The following ZPBP variants were observed in gnomAD, a reference collection of about 807,000 sequenced individuals.
The protein encoded by ZPBP is zona pellucida-binding protein 1.
In ZPBP, 26 loss-of-function variants were observed where a neutral mutation model predicts 44.8. That is an observed-to-expected ratio of 0.58 (90% CI 0.43 to 0.81). ZPBP has a LOEUF of 0.81. ZPBP is among the 30% of genes least tolerant of loss of function. The pLI, the probability that ZPBP is intolerant of heterozygous loss-of-function variation, is 0.00. For synonymous variants in ZPBP, 174 were observed against 153.2 expected (o/e 1.14, Z -1.00); for missense variants, 409 against 434.0 (o/e 0.94, Z 0.51).
chr7:50,056,573 G>A (rs1800943418), intron 4 of ZPBP: 2 of 152,136 alleles, frequency 1.3e-5, no homozygotes, highest in Non-Finnish European at 2.9e-5. Flanking sequence ...ACATGTTTAG[G>A]AGCCATTATT....
At chr7:50,045,914 A>G (rs1169561968) in intron 4 of ZPBP, among the ~76,000 whole-genome samples, 1 of 152,238 alleles carries the variant, frequency 6.6e-6, no homozygotes, top group African/African-American at 2.4e-5. Flanking sequence ...AGGCTACAGT[A>G]ACCAAAACAG....
chr7:49,925,343 T>C (rs1418765374), intron 1 of ZPBP, among the ~76,000 whole-genome samples: 7 of 152,170 alleles, frequency 4.6e-5, no homozygotes, highest in African/African-American at 7.2e-5. Flanking sequence ...GAGTGGATGA[T>C]TGGTGTCCCT....
chr7:49,841,057 T>C, the ZPBP span, among the ~76,000 whole-genome samples: 1 of 152,214 alleles, frequency 6.6e-6, no homozygotes, highest in African/African-American at 2.4e-5. Flanking sequence ...TTGGTCTTAT[T>C]TGGATTCCAG....
intron 6 of ZPBP, among the ~76,000 whole-genome samples, chr7:50,001,951 C>G (rs1460738228): frequency 6.6e-6 from 1 of 152,108 alleles, no homozygotes; most frequent in Non-Finnish European, 1.5e-5. Context: ...GTCACTCAGG[C>G]TGCAATGCAG....
At chr7:49,876,262 GT>G (rs148278221) in intron 2 of ZPBP, among the ~76,000 whole-genome samples, 67 of 152,228 alleles carry the variant, frequency 4.4e-4, no homozygotes, top group African/African-American at 1.6e-3. Context: ...GAAAATATAG[GT>G]AAATTTTCAT....
At chr7:49,952,255 C>T (rs768858856) in intron 7 of ZPBP, among the ~76,000 whole-genome samples, 6 of 151,832 alleles carry the variant, frequency 4.0e-5, no homozygotes, top group South Asian at 2.1e-4. Context: ...AAGAGAGCTT[C>T]GTTTGATCTG....
At chr7:50,048,774 A>C (rs1199667675) in intron 4 of ZPBP, among the ~76,000 whole-genome samples, 1 of 151,956 alleles carries the variant, frequency 6.6e-6, no homozygotes, top group East Asian at 1.9e-4. Flanking sequence ...CGGACAATGA[A>C]AAAGAAAGAG....
intron 7 of ZPBP, among the ~76,000 whole-genome samples, chr7:49,957,434 C>T (rs1385644604): frequency 6.6e-6 from 1 of 152,158 alleles, no homozygotes; most frequent in Non-Finnish European, 1.5e-5. Context: ...CTCAGGACAT[C>T]GAGGCTTGCT....
intron 2 of ZPBP, among the ~76,000 whole-genome samples, chr7:49,888,974 G>A (rs941940552): frequency 6.6e-6 from 1 of 152,126 alleles, no homozygotes; most frequent in Non-Finnish European, 1.5e-5. Context: ...ACATATGGAG[G>A]ATGGAGCTGG....
intron 6 of ZPBP, among the ~76,000 whole-genome samples, chr7:50,009,418 A>T (rs952461805): frequency 2.6e-5 from 4 of 151,750 alleles, no homozygotes; most frequent in Non-Finnish European, 4.4e-5. Flanking sequence ...CATTTGCCCA[A>T]TGGTTCTCTA....
chr7:49,986,726 A>G (rs1294362963), intron 6 of ZPBP, among the ~76,000 whole-genome samples: 2 of 152,114 alleles, frequency 1.3e-5, no homozygotes, highest in Non-Finnish European at 2.9e-5. Context: ...CCAGGACCCC[A>G]ACTATCACTG....
At chr7:50,003,168 T>C (rs1424190668) in intron 6 of ZPBP, among the ~76,000 whole-genome samples, 2 of 152,186 alleles carry the variant, frequency 1.3e-5, no homozygotes, top group East Asian at 3.8e-4. Flanking sequence ...TGGATTCTAA[T>C]TTGATTTGAA....
At chr7:49,882,148 A>G (rs1269585753) in intron 2 of ZPBP, among the ~76,000 whole-genome samples, 1 of 152,164 alleles carries the variant, frequency 6.6e-6, no homozygotes, top group Non-Finnish European at 1.5e-5. Context: ...AAAACTGGTG[A>G]TATAATCAAT....
chr7:49,866,260 A>G (rs1790886943), intron 2 of ZPBP, among the ~76,000 whole-genome samples: 1 of 152,122 alleles, frequency 6.6e-6, no homozygotes, highest in South Asian at 2.1e-4. Flanking sequence ...TTTTTTCAAG[A>G]TCCTCTAGCT....
intron 7 of ZPBP, among the ~76,000 whole-genome samples, chr7:49,961,408 T>C (rs1298738181): frequency 2.0e-5 from 3 of 152,120 alleles, no homozygotes; most frequent in East Asian, 3.8e-4. Flanking sequence ...CAAAAACATA[T>C]GCAAATCTAT....
chr7:49,959,176 C>A (rs1320578500), intron 7 of ZPBP, among the ~76,000 whole-genome samples: 4 of 150,720 alleles, frequency 2.7e-5, no homozygotes, highest in African/African-American at 9.8e-5. Flanking sequence ...TGCTTTTCCT[C>A]TAATATTGGG....
At chr7:50,083,393 T>C (rs1294513095) in intron 2 of ZPBP, among the ~76,000 whole-genome samples, 1 of 151,994 alleles carries the variant, frequency 6.6e-6, no homozygotes, top group African/African-American at 2.4e-5. Flanking sequence ...AATGCCATAA[T>C]CATGACTGCA....
intron 2 of ZPBP, among the ~76,000 whole-genome samples, chr7:49,875,369 CAAAAAAAAAAAAAA>C (rs71018432): frequency 1.1e-4 from 2 of 19,016 alleles, no homozygotes; most frequent in Non-Finnish European, 1.7e-4. Context: ...GATTCTGACT[CAAAAAAAAAAAAAA>C]AAAAAAAAAA....
chr7:49,883,606 T>C (rs1257372699), intron 2 of ZPBP, among the ~76,000 whole-genome samples: 1 of 152,120 alleles, frequency 6.6e-6, no homozygotes, highest in East Asian at 1.9e-4. Context: ...GGCATGTTCT[T>C]CCAAAGTTGT....
Sources: allele counts gnomAD v4.1 joint callset (sites outside exome capture counted in the v4.1 genomes callset), GRCh38; gene constraint gnomAD v4.1.1; transcripts MANE v1.5; gene names NCBI Gene and HGNC (gene_info 2026-07-23, HGNC 2026-07-21).